Variants in CPS1 observed in about 807,000 individuals in gnomAD.
CPS1 encodes carbamoyl-phosphate synthase 1.
In CPS1, 109 loss-of-function variants were observed where a neutral mutation model predicts 174.6. The observed-to-expected ratio is 0.62, with a 90% confidence interval of 0.53 to 0.73. The LOEUF (loss-of-function observed/expected upper bound fraction) is 0.73, where lower values mean the gene tolerates loss of function less well. Among genes scored for constraint, CPS1 ranks in the 30% least tolerant of loss-of-function variants. The pLI, the probability that CPS1 is intolerant of heterozygous loss-of-function variation, is 0.00. For synonymous variants in CPS1, 637 were observed against 632.0 expected (o/e 1.01, Z -0.12); for missense variants, 1,689 against 1,821.9 (o/e 0.93, Z 1.33).
intron 1 of CPS1, among the ~76,000 whole-genome samples, chr2:210,564,354 T>A (rs1697209710): frequency 6.6e-6 from 1 of 152,096 alleles, no homozygotes; most frequent in African/African-American, 2.4e-5. Context: ...TATTAAGAAT[T>A]GCAACATTAA....
intron 5 of CPS1, 64 bp downstream of exon 5, chr2:210,579,834 G>T: frequency 7.5e-7 from 1 of 1,326,168 alleles, no homozygotes. Context: ...GTGTGTGTGT[G>T]GTGTTTCCCT....
At chr2:210,642,823 T>TA (rs1013537524) in intron 25 of CPS1, among the ~76,000 whole-genome samples, 158 bp downstream of exon 25, 6 of 152,110 alleles carry the variant, frequency 3.9e-5, no homozygotes, top group African/African-American at 9.7e-5. Flanking sequence ...AGTAAAACTC[T>TA]AAAAAAAATC....
intron 21 of CPS1, among the ~76,000 whole-genome samples, chr2:210,637,163 G>A (rs1205066672): frequency 5.9e-5 from 9 of 152,150 alleles, no homozygotes; most frequent in Non-Finnish European, 1.3e-4. Context: ...TTTAGAGAGG[G>A]AGAGAGGGAA....
intron 6 of CPS1, among the ~76,000 whole-genome samples, chr2:210,583,658 T>A (rs1057503455): frequency 6.6e-6 from 1 of 152,064 alleles, no homozygotes; most frequent in African/African-American, 2.4e-5. Context: ...TACGCACAGT[T>A]TGGGATGGCT....
chr2:210,511,666 C>T (rs528879189), intron 1 of CPS1, among the ~76,000 whole-genome samples: 1 of 152,162 alleles, frequency 6.6e-6, no homozygotes, highest in East Asian at 1.9e-4. Flanking sequence ...ACGTGATACT[C>T]CCGGTCAAAC....
chr2:210,522,072 G>A (rs1466739001), intron 1 of CPS1, among the ~76,000 whole-genome samples: 2 of 152,020 alleles, frequency 1.3e-5, no homozygotes, highest in Admixed American at 6.6e-5. Flanking sequence ...CTGTGAATTA[G>A]GAGGTCTTTT....
chr2:210,542,045 A>G (rs1011536676), intron 1 of CPS1, among the ~76,000 whole-genome samples: 1 of 152,092 alleles, frequency 6.6e-6, no homozygotes, highest in Non-Finnish European at 1.5e-5. Flanking sequence ...CATATACTCA[A>G]GTATTCTTAG....
At chr2:210,656,686 A>T in intron 30 of CPS1, 54 bp downstream of exon 30, 1 of 1,239,708 alleles carries the variant, frequency 8.1e-7, no homozygotes, top group Non-Finnish European at 1.1e-6. Flanking sequence ...AGAAAAAAAC[A>T]CCTAAGGTTT....
chr2:210,674,838 A>AC, intron 34 of CPS1, 64 bp from the exon 35 acceptor site: 2 of 1,233,758 alleles, frequency 1.6e-6, no homozygotes, highest in Non-Finnish European at 2.4e-6. Context: ...GTAAGGAAAT[A>AC]CCATATTGCA....
intron 1 of CPS1, among the ~76,000 whole-genome samples, chr2:210,506,860 A>G (rs549483006): frequency 3.3e-5 from 5 of 152,332 alleles, no homozygotes; most frequent in Non-Finnish European, 5.9e-5. Context: ...AAAGCCTCCA[A>G]GAAATATGGG....
intron 1 of CPS1, among the ~76,000 whole-genome samples, chr2:210,488,145 G>T (rs990771777): frequency 7.0e-6 from 1 of 143,000 alleles, no homozygotes; most frequent in Non-Finnish European, 1.6e-5. Context: ...CTTTTTCTTT[G>T]GCTTGCTTGC....
At chr2:210,606,619 C>T in intron 17 of CPS1, 112 bp from the exon 18 acceptor site, 2 of 994,916 alleles carry the variant, frequency 2.0e-6, no homozygotes, top group South Asian at 1.3e-5. Flanking sequence ...ATATATATCC[C>T]AACAAACCCT....
intron 19 of CPS1, among the ~76,000 whole-genome samples, chr2:210,611,142 T>C (rs985225767): frequency 1.3e-5 from 2 of 151,958 alleles, no homozygotes; most frequent in Non-Finnish European, 2.9e-5. Context: ...TGTTTATTCC[T>C]GCTCTTGTAA....
At chr2:210,525,785 A>G (rs1695956077) in intron 1 of CPS1, among the ~76,000 whole-genome samples, 1 of 148,876 alleles carries the variant, frequency 6.7e-6, no homozygotes, top group Admixed American at 6.9e-5. Flanking sequence ...TAGGAGTAGT[A>G]CATTCCAAGC....
chr2:210,563,376 A>AT (rs1697169766), intron 1 of CPS1, among the ~76,000 whole-genome samples: 1 of 152,136 alleles, frequency 6.6e-6, no homozygotes, highest in African/African-American at 2.4e-5. Flanking sequence ...TAAATAGGAC[A>AT]TTTTAGGGCA....
At position 210,639,123 on chromosome 2, in the gene CPS1, GTTTAT is replaced by G. The variant is rs768083645; in HGVS notation, c.2830-19_2830-15del. The G allele has an allele frequency of 1.6e-4, 252 of 1,577,250 alleles. No homozygotes were observed. The East Asian group carries it at 5.1e-3, about 32-fold the overall frequency. On this transcript the variant is annotated intron_variant, in intron 22 of 37. Coordinates refer to ENST00000233072, the MANE Select transcript of CPS1 (RefSeq NM_001875.5). Reference sequence around the variant, plus strand: ...AAAAATTATAATAACATTCTTATTTGTTTATTTTATTTGTTTTCTCTTACAGATTG... The same window carrying G: ...AAAAATTATAATAACATTCTTATTTGTTTATTTGTTTTCTCTTACAGATTG...
chr2:210,674,484 C>CAA (rs771522432), intron 34 of CPS1: 3 of 75,006 alleles, frequency 4.0e-5, no homozygotes, highest in Admixed American at 1.2e-4. Flanking sequence ...AAAAAAAAAC[C>CAA]AAAAAAAAAA....
chr2:210,546,331 C>T (rs569333953), intron 1 of CPS1, among the ~76,000 whole-genome samples: 9 of 152,048 alleles, frequency 5.9e-5, no homozygotes, highest in African/African-American at 9.6e-5. Flanking sequence ...GATCACACAA[C>T]GTGAATGAAG....
In CPS1 at chr2:210,496,288, C is replaced by A. The variant is rs569184154; in HGVS notation, c.3+18522C>A. 3.9e-5 allele frequency among the ~76,000 whole-genome samples: 6 copies of A among 152,256 alleles called. No individual in the cohort carries two copies. The South Asian group carries it at 1.2e-3, about 32-fold the overall frequency. On this transcript the variant is annotated intron_variant, in intron 1 of 38. Transcript: ENST00000430249. Reference sequence around the variant, plus strand: ...GTGTATGTCTCTCTGTCTCCAGAGCCTTTGGTGGAAACAAGTCCTTCTGCC... The same window carrying A: ...GTGTATGTCTCTCTGTCTCCAGAGCATTTGGTGGAAACAAGTCCTTCTGCC...
Sources: allele counts gnomAD v4.1 joint callset (sites outside exome capture counted in the v4.1 genomes callset), GRCh38; gene constraint gnomAD v4.1.1; transcripts MANE v1.5; gene names NCBI Gene and HGNC (gene_info 2026-07-23, HGNC 2026-07-21).